The following SLC25A26 variants were observed in gnomAD, a reference collection of about 807,000 sequenced individuals.
SLC25A26 encodes solute carrier family 25 member 26.
SLC25A26 carries 36 observed loss-of-function variants against 37.8 expected under a neutral mutation model. That is an observed-to-expected ratio of 0.95 (90% CI 0.73 to 1.26). SLC25A26 has a LOEUF of 1.26. SLC25A26 is among the 50% of genes most tolerant of loss of function. The pLI, the probability that SLC25A26 is intolerant of heterozygous loss-of-function variation, is 0.00. For synonymous variants in SLC25A26, 129 were observed against 122.5 expected, an observed-to-expected ratio of 1.05 and a Z score of -0.35; for missense variants, 390 against 331.1, an observed-to-expected ratio of 1.18 and a Z score of -1.38.
intron 1 of SLC25A26, among the ~76,000 whole-genome samples, chr3:66,212,442 C>T (rs2071296983): frequency 6.6e-6 from 1 of 151,966 alleles, no homozygotes; most frequent in Non-Finnish European, 1.5e-5. Flanking sequence ...TATTGTTGTG[C>T]CTAATTTATA....
intron 5 of SLC25A26, among the ~76,000 whole-genome samples, chr3:66,300,663 A>G (rs1266530025): frequency 6.6e-6 from 1 of 152,116 alleles, no homozygotes; most frequent in Non-Finnish European, 1.5e-5. Flanking sequence ...GCATTTTGAG[A>G]GAGACTTTTT....
At chr3:66,204,778 A>G (rs2071156200) in intron 1 of SLC25A26, among the ~76,000 whole-genome samples, 1 of 152,190 alleles carries the variant, frequency 6.6e-6, no homozygotes, top group Non-Finnish European at 1.5e-5. Context: ...TCAGTGATAG[A>G]TTATCAATGT....
chr3:66,225,493 T>C (rs2071702181), intron 1 of SLC25A26, among the ~76,000 whole-genome samples: 1 of 152,112 alleles, frequency 6.6e-6, no homozygotes. Context: ...CAGGAAATCA[T>C]TTTTTCCCTC....
At chr3:66,282,847 A>G (rs1043323302) in intron 5 of SLC25A26, among the ~76,000 whole-genome samples, 10 of 152,078 alleles carry the variant, frequency 6.6e-5, no homozygotes, top group African/African-American at 1.4e-4. Flanking sequence ...ATGCATACCC[A>G]TTTCCCTGCT....
chr3:66,207,073 A>T (rs2071190673), intron 1 of SLC25A26, among the ~76,000 whole-genome samples: 1 of 151,836 alleles, frequency 6.6e-6, no homozygotes, highest in Non-Finnish European at 1.5e-5. Context: ...GATCAGACTC[A>T]AAAGACTCGG....
chr3:66,167,268 C>T (rs1298178412), intron 1 of SLC25A26, among the ~76,000 whole-genome samples: 1 of 150,390 alleles, frequency 6.6e-6, no homozygotes, highest in African/African-American at 2.5e-5. Context: ...GATCTGACGT[C>T]CACTTCATCT....
At chr3:66,200,488 C>G (rs1029072986) in intron 1 of SLC25A26, among the ~76,000 whole-genome samples, 11 of 152,146 alleles carry the variant, frequency 7.2e-5, no homozygotes, top group Non-Finnish European at 1.2e-4. Flanking sequence ...CTTTTAGCAT[C>G]ATTTTCTTAA....
chr3:66,168,109 T>C (rs1021406593), intron 1 of SLC25A26, among the ~76,000 whole-genome samples: 1 of 117,644 alleles, frequency 8.5e-6, no homozygotes, highest in Non-Finnish European at 1.8e-5. Flanking sequence ...GCTAAGATCG[T>C]GCCATCGCAC....
In SLC25A26 at chr3:66,162,389, A is replaced by G. The variant is rs1182423238; in HGVS notation, c.-354+28405A>G. 2.0e-5 allele frequency among the ~76,000 whole-genome samples: 3 copies of G among 150,508 alleles called. No individual in the cohort carries two copies. The East Asian group carries it at 5.8e-4, about 29-fold the overall frequency. The stretch of plus-strand genomic sequence containing the variant: ...GTTGGGCGGGGGAGGGGGGTGCACA[A>G]CTGAGCCAAAAACACAGGAGAAGTG... On this transcript the variant is annotated intron_variant, in intron 1 of 10. Transcript: ENST00000676754.
intron 1 of SLC25A26, among the ~76,000 whole-genome samples, chr3:66,223,940 A>G (rs2071617193): frequency 6.6e-6 from 1 of 152,252 alleles, no homozygotes; most frequent in African/African-American, 2.4e-5. Context: ...AACTCAGTGA[A>G]GACAGTAAGA....
At chr3:66,212,368 G>A (rs892149785) in intron 1 of SLC25A26, among the ~76,000 whole-genome samples, 6 of 151,730 alleles carry the variant, frequency 4.0e-5, no homozygotes, top group African/African-American at 1.5e-4. Flanking sequence ...CTCCCATCTC[G>A]GCCTCCCAAA....
chr3:66,176,494 A>G (rs1015872189), intron 1 of SLC25A26, among the ~76,000 whole-genome samples: 2 of 152,214 alleles, frequency 1.3e-5, no homozygotes, highest in Non-Finnish European at 2.9e-5. Context: ...AATCAAAAAT[A>G]CATTTGAACC....
chr3:66,192,384 G>A (rs1017555778), intron 1 of SLC25A26, among the ~76,000 whole-genome samples: 14 of 151,454 alleles, frequency 9.2e-5, no homozygotes, highest in Non-Finnish European at 2.1e-4. Context: ...TCCAGCATGC[G>A]AGGGTATGAG....
intron 5 of SLC25A26, among the ~76,000 whole-genome samples, chr3:66,339,687 A>T (rs1025042844): frequency 6.6e-6 from 1 of 151,922 alleles, no homozygotes; most frequent in African/African-American, 2.4e-5. Flanking sequence ...CTCTAGAATG[A>T]TGTCTATTTA....
chr3:66,139,905 C>T (rs1345145754), intron 1 of SLC25A26, among the ~76,000 whole-genome samples: 1 of 152,024 alleles, frequency 6.6e-6, no homozygotes. Flanking sequence ...GATTTATGGC[C>T]CCAAGCTTAA....
chr3:66,261,610 A>G (rs2073530269), intron 3 of SLC25A26: 1 of 161,396 alleles, frequency 6.2e-6, no homozygotes, highest in African/African-American at 2.4e-5. Context: ...TGAAGGGTGG[A>G]AGGCTGGGTA....
intron 7 of SLC25A26, among the ~76,000 whole-genome samples, chr3:66,364,914 A>G (rs975448109): frequency 2.6e-5 from 4 of 152,336 alleles, no homozygotes; most frequent in African/African-American, 9.6e-5. Flanking sequence ...ATCTGTTGTC[A>G]GTAGAACCAC....
intron 5 of SLC25A26, among the ~76,000 whole-genome samples, chr3:66,308,162 C>T (rs1421743893): frequency 6.6e-6 from 1 of 151,950 alleles, no homozygotes; most frequent in Non-Finnish European, 1.5e-5. Context: ...TTGTTTGGGT[C>T]CTCTCTTATT....
intron 1 of SLC25A26, among the ~76,000 whole-genome samples, chr3:66,178,167 C>T (rs1039433976): frequency 6.6e-6 from 1 of 152,194 alleles, no homozygotes; most frequent in Non-Finnish European, 1.5e-5. Context: ...CTGCTACTAG[C>T]TGTTGTCCAG....
Sources: gnomAD v4.1 joint callset for allele counts (sites outside exome capture counted in the v4.1 genomes callset) on GRCh38, gnomAD v4.1.1 for gene constraint, MANE v1.5 for transcripts, NCBI Gene and HGNC (gene_info 2026-07-23, HGNC 2026-07-21) for gene names.